The following CTNNA3 variants were observed in gnomAD, a reference collection of about 807,000 sequenced individuals.
The protein encoded by CTNNA3 is catenin alpha-3.
CTNNA3 carries 76 observed loss-of-function variants against 95.7 expected under a neutral mutation model. The ratio of observed to expected loss-of-function variants is 0.79; its 90% confidence interval spans 0.66 to 0.96. The LOEUF is 0.96. Ranked by LOEUF, CTNNA3 falls within the 40% of genes least tolerant of loss-of-function variation. The pLI, the probability that CTNNA3 is intolerant of heterozygous loss-of-function variation, is 0.00. For synonymous variants in CTNNA3, 431 were observed against 374.4 expected, an observed-to-expected ratio of 1.15 and a Z score of -1.74; for missense variants, 1,191 against 1,089.8, an observed-to-expected ratio of 1.09 and a Z score of -1.31.
intron 5 of CTNNA3, among the ~76,000 whole-genome samples, chr10:67,373,569 G>A (rs1843568427): frequency 1.3e-5 from 2 of 152,058 alleles, no homozygotes; most frequent in South Asian, 2.1e-4. Context: ...AGATCCATGA[G>A]ACAGAAAGTT....
At chr10:66,635,100 A>G (rs1410100459) in intron 9 of CTNNA3, among the ~76,000 whole-genome samples, 1 of 152,144 alleles carries the variant, frequency 6.6e-6, no homozygotes, top group Non-Finnish European at 1.5e-5. Flanking sequence ...AACCAGCTAG[A>G]TAGTTTATTC....
chr10:67,576,377 A>G (rs990925377), intron 3 of CTNNA3, among the ~76,000 whole-genome samples: 7 of 152,202 alleles, frequency 4.6e-5, no homozygotes, highest in Non-Finnish European at 1.0e-4. Context: ...GGCCACATAC[A>G]AATATAATGA....
chr10:66,575,483 C>A (rs991561527), intron 10 of CTNNA3, among the ~76,000 whole-genome samples: 1 of 152,086 alleles, frequency 6.6e-6, no homozygotes, highest in Non-Finnish European at 1.5e-5. Context: ...ATGATACTTG[C>A]AATTTTTTGA....
chr10:67,348,357 C>T (rs755728365), intron 5 of CTNNA3, among the ~76,000 whole-genome samples: 24 of 152,090 alleles, frequency 1.6e-4, no homozygotes, highest in Admixed American at 3.3e-4. Flanking sequence ...AGGGTGAAAA[C>T]GCAACCTACA....
intron 17 of CTNNA3, among the ~76,000 whole-genome samples, chr10:65,935,742 A>AT (rs1350196558): frequency 6.6e-6 from 1 of 151,928 alleles, no homozygotes; most frequent in East Asian, 1.9e-4. Flanking sequence ...TTCTTTGTTA[A>AT]TTTTTTAAAT....
chr10:66,063,804 A>T (rs1317364928), intron 15 of CTNNA3, among the ~76,000 whole-genome samples: 1 of 152,008 alleles, frequency 6.6e-6, no homozygotes, highest in African/African-American at 2.4e-5. Context: ...TATTGTAAAG[A>T]TGTCTTGGAA....
At chr10:67,329,154 T>A (rs1433859595) in intron 5 of CTNNA3, among the ~76,000 whole-genome samples, 1 of 152,192 alleles carries the variant, frequency 6.6e-6, no homozygotes, top group Non-Finnish European at 1.5e-5. Flanking sequence ...GGTGGACCGC[T>A]TGAGCTCAGG....
intron 17 of CTNNA3, among the ~76,000 whole-genome samples, chr10:65,954,874 T>G (rs560866696): frequency 6.6e-6 from 1 of 152,330 alleles, no homozygotes; most frequent in African/African-American, 2.4e-5. Flanking sequence ...TGTGGGCTCT[T>G]TTTTGATTCC....
At chr10:67,431,015 CTTAAG>C (rs1564644707) in intron 5 of CTNNA3, among the ~76,000 whole-genome samples, 1 of 151,846 alleles carries the variant, frequency 6.6e-6, no homozygotes, top group East Asian at 1.9e-4. Flanking sequence ...CAGATAGCTC[CTTAAG>C]TTAACAAAAT....
chr10:66,398,092 T>G (rs562832024), intron 11 of CTNNA3, among the ~76,000 whole-genome samples: 17 of 152,040 alleles, frequency 1.1e-4, no homozygotes, highest in African/African-American at 3.8e-4. Context: ...ATAACCAATT[T>G]ACAAATATTA....
At chr10:66,669,350 C>A (rs1011827620) in intron 9 of CTNNA3, among the ~76,000 whole-genome samples, 10 of 151,974 alleles carry the variant, frequency 6.6e-5, no homozygotes, top group African/African-American at 2.4e-4. Flanking sequence ...TCGAGACCAT[C>A]CTGGCCAACA....
At chr10:66,481,596 C>A (rs946860333) in intron 11 of CTNNA3, among the ~76,000 whole-genome samples, 1 of 145,410 alleles carries the variant, frequency 6.9e-6, no homozygotes, top group Non-Finnish European at 1.5e-5. Flanking sequence ...CTCAGCCTCC[C>A]GAGTAGCTGG....
intron 11 of CTNNA3, among the ~76,000 whole-genome samples, chr10:66,487,460 C>T (rs1839778882): frequency 6.6e-6 from 1 of 151,880 alleles, no homozygotes; most frequent in South Asian, 2.1e-4. Context: ...CTCGGCTTCC[C>T]AAAGTGCTGG....
chr10:66,906,603 A>G (rs1377830227), intron 7 of CTNNA3, among the ~76,000 whole-genome samples: 1 of 152,088 alleles, frequency 6.6e-6, no homozygotes, highest in African/African-American at 2.4e-5. Flanking sequence ...TTTCGATACA[A>G]TATGAGGAAC....
At chr10:67,142,393 A>G (rs533881606) in intron 7 of CTNNA3, among the ~76,000 whole-genome samples, 1 of 152,170 alleles carries the variant, frequency 6.6e-6, no homozygotes, top group Non-Finnish European at 1.5e-5. Flanking sequence ...ATGTGTGTAT[A>G]TATCAACTTT....
intron 17 of CTNNA3, among the ~76,000 whole-genome samples, chr10:65,940,873 T>C (rs2077419338): frequency 1.3e-5 from 2 of 152,226 alleles, no homozygotes; most frequent in Admixed American, 6.5e-5. Context: ...TTAACTCATG[T>C]TTCATGTGAA....
chr10:66,538,532 G>A (rs1386910100), intron 10 of CTNNA3, among the ~76,000 whole-genome samples: 1 of 152,166 alleles, frequency 6.6e-6, no homozygotes, highest in Non-Finnish European at 1.5e-5. Context: ...TAACCAAAAA[G>A]AAAGTGCTTG....
At chr10:66,775,423 C>A in intron 8 of CTNNA3, 21 bp downstream of exon 8, 1 of 1,543,390 alleles carries the variant, frequency 6.5e-7, no homozygotes, top group South Asian at 1.2e-5. Flanking sequence ...TTTCTGACTC[C>A]ATATCTCTCT....
At chr10:67,346,781 A>T in intron 5 of CTNNA3, 1 of 458,910 alleles carries the variant, frequency 2.2e-6, no homozygotes, top group South Asian at 1.6e-5. Flanking sequence ...GTGAAGCCTT[A>T]AAGAGTGTCA....
Sources: allele counts gnomAD v4.1 joint callset (sites outside exome capture counted in the v4.1 genomes callset), GRCh38; gene constraint gnomAD v4.1.1; transcripts MANE v1.5; gene names NCBI Gene and HGNC (gene_info 2026-07-23, HGNC 2026-07-21).